Variants in WDR72 observed in about 807,000 individuals in gnomAD.
The protein encoded by WDR72 is WD repeat domain 72.
Under a neutral mutation model 124.2 loss-of-function variants are expected in WDR72, and 120 were observed. The observed-to-expected ratio is 0.97, with a 90% CI of 0.83 to 1.12. The LOEUF is 1.12. Ranked by LOEUF, WDR72 falls within the 50% of genes most tolerant of loss-of-function variation. WDR72 has a pLI of 0.00. For synonymous variants in WDR72, 452 were observed against 441.7 expected (o/e 1.02, Z -0.29); for missense variants, 1,387 against 1,278.8 (o/e 1.08, Z -1.29).
intron 3 of WDR72, among the ~76,000 whole-genome samples, chr15:53,717,838 C>G (rs1482224761): frequency 6.6e-6 from 1 of 151,978 alleles, no homozygotes; most frequent in Non-Finnish European, 1.5e-5. Context: ...TTATATCCAG[C>G]CTCATTCCAA....
At chr15:53,705,265 T>G in intron 10 of WDR72, 32 bp from the exon 11 acceptor site, 1 of 1,607,274 alleles carries the variant, frequency 6.2e-7, no homozygotes, top group Non-Finnish European at 8.5e-7. Flanking sequence ...AAAGAAAATT[T>G]GGTTTATCAG....
chr15:53,712,605 CA>C (rs58068565), intron 7 of WDR72, among the ~76,000 whole-genome samples, 166 bp downstream of exon 7: 52 of 146,060 alleles, frequency 3.6e-4, no homozygotes, highest in African/African-American at 1.1e-3. Context: ...ACCCCACCGC[CA>C]AAAAAAAAAA....
At chr15:53,734,850 A>G (rs560231728) in intron 1 of WDR72, among the ~76,000 whole-genome samples, 7 of 151,538 alleles carry the variant, frequency 4.6e-5, no homozygotes, top group Non-Finnish European at 1.0e-4. Flanking sequence ...TCCGGAATGA[A>G]TTTCTTCACA....
intron 18 of WDR72, 32 bp from the exon 19 acceptor site, chr15:53,523,354 C>T (rs757613313): frequency 8.2e-7 from 1 of 1,216,920 alleles, no homozygotes; most frequent in East Asian, 2.4e-5. Context: ...GAGAGAGAGA[C>T]AGAAGAGAGA....
At chr15:53,594,915 A>G (rs1284679523) in intron 18 of WDR72, among the ~76,000 whole-genome samples, 1 of 152,062 alleles carries the variant, frequency 6.6e-6, no homozygotes, top group Non-Finnish European at 1.5e-5. Flanking sequence ...ATTTCTCAAA[A>G]AGAAAAAGAC....
chr15:53,593,261 A>C (rs996501062), intron 18 of WDR72, among the ~76,000 whole-genome samples: 1 of 152,096 alleles, frequency 6.6e-6, no homozygotes, highest in African/African-American at 2.4e-5. Context: ...TCACTTAGCA[A>C]ATTATTTGAT....
rs987114935 is a variant in WDR72 at position 53,722,856 on chromosome 15, G to C, written c.206C>G (p.Ala69Gly). The C allele has an allele frequency of 6.2e-7, 1 of 1,612,724 alleles. No homozygotes were observed. Among genetic ancestry groups the C allele is most frequent in the Non-Finnish European group, 8.5e-7 (1 of 1,180,004 alleles). The change falls in exon 3 of 20, where the codon GCA becomes GGA. Residue 69 changes from alanine (A) to glycine (G), a missense_variant. Ala to Gly is a moderately conservative substitution (Grantham distance 60). Coordinates refer to ENST00000360509, the MANE Select transcript of WDR72 (RefSeq NM_182758.4). Reference protein sequence around the residue: ...FGHSASVTCLARARDFSKQPY... With the variant: ...FGHSASVTCLGRARDFSKQPY... The stretch of plus-strand genomic sequence containing the variant: ...CTGTTTAGAGAAGTCCCTTGCTCTT[G>C]CCAAACATGTTACCGAAGCTGAATG...
intron 17 of WDR72, 135 bp downstream of exon 17, chr15:53,609,378 A>ATG (rs2013434779): frequency 1.3e-6 from 1 of 755,788 alleles, no homozygotes; most frequent in African/African-American, 1.7e-5. Context: ...GTTTTCCCTC[A>ATG]TCTCTATGTC....
chr15:53,611,279 C>T (rs1230977176), intron 16 of WDR72, among the ~76,000 whole-genome samples: 2 of 152,052 alleles, frequency 1.3e-5, no homozygotes, highest in African/African-American at 4.8e-5. Flanking sequence ...TTTCCCTACT[C>T]CTTAGCTGAA....
At chr15:53,576,503 T>G (rs2011624631) in intron 18 of WDR72, among the ~76,000 whole-genome samples, 1 of 152,176 alleles carries the variant, frequency 6.6e-6, no homozygotes, top group African/African-American at 2.4e-5. Flanking sequence ...TCCTTGTGTC[T>G]TATTCCTTTT....
chr15:53,660,217 T>A (rs960379508), intron 14 of WDR72, among the ~76,000 whole-genome samples: 5 of 139,212 alleles, frequency 3.6e-5, no homozygotes, highest in African/African-American at 1.4e-4. Context: ...AAATATTTGT[T>A]CTTTTTTTAT....
At chr15:53,620,940 A>T (rs565624697) in intron 14 of WDR72, among the ~76,000 whole-genome samples, 2 of 152,266 alleles carry the variant, frequency 1.3e-5, no homozygotes, top group South Asian at 4.1e-4. Flanking sequence ...AATGAACTCA[A>T]ACAAATTAGC....
intron 14 of WDR72, among the ~76,000 whole-genome samples, chr15:53,662,369 G>C (rs1007940817): frequency 2.6e-5 from 4 of 152,034 alleles, no homozygotes; most frequent in African/African-American, 9.7e-5. Context: ...CTTTTCCCCA[G>C]ATCTATATGC....
chr15:53,740,518 A>C (rs936403677), intron 1 of WDR72, among the ~76,000 whole-genome samples: 5 of 152,002 alleles, frequency 3.3e-5, no homozygotes, highest in Non-Finnish European at 7.4e-5. Context: ...CCGTGGTCTC[A>C]ATCTCCTGAC....
intron 1 of WDR72, among the ~76,000 whole-genome samples, chr15:53,743,137 C>G (rs2018552834): frequency 6.6e-6 from 1 of 151,496 alleles, no homozygotes; most frequent in Non-Finnish European, 1.5e-5. Context: ...TATGTATATC[C>G]TACCATTTTC....
Position 53,657,035 on chromosome 15 carries a change from C to A in WDR72, c.1962+8537G>T, listed in dbSNP as rs370602589. Among the ~76,000 whole-genome samples the A allele has an allele frequency of 3.9e-4, 59 of 151,842 alleles. 3 individuals carry two copies. In the South Asian group the frequency reaches 0.011, roughly 29 times the overall value. On this transcript the variant is annotated intron_variant, in intron 14 of 19. Transcript: ENST00000360509. The stretch of plus-strand genomic sequence containing the variant: ...ATCCCAGCACTTTGGGAGGCCAAGG[C>A]GGGCAGATCACAAGGTCAGGAGATC...
At chr15:53,588,881 C>G (rs2012354327) in intron 18 of WDR72, among the ~76,000 whole-genome samples, 1 of 151,858 alleles carries the variant, frequency 6.6e-6, no homozygotes, top group Admixed American at 6.6e-5. Context: ...CCAAGCCAGC[C>G]ATGTTGCAAA....
chr15:53,580,487 T>G (rs1468823065), intron 18 of WDR72, among the ~76,000 whole-genome samples: 1 of 151,950 alleles, frequency 6.6e-6, no homozygotes, highest in Non-Finnish European at 1.5e-5. Flanking sequence ...CTGAACTGAG[T>G]CCATGCCAGG....
intron 19 of WDR72, among the ~76,000 whole-genome samples, chr15:53,520,908 T>A (rs373980108): frequency 6.6e-6 from 1 of 152,026 alleles, no homozygotes; most frequent in Non-Finnish European, 1.5e-5. Flanking sequence ...GGAAACACAC[T>A]CTCTCATCAA....
Sources: gnomAD v4.1 joint callset for allele counts (sites outside exome capture counted in the v4.1 genomes callset) on GRCh38, gnomAD v4.1.1 for gene constraint, MANE v1.5 for transcripts, NCBI Gene and HGNC (gene_info 2026-07-23, HGNC 2026-07-21) for gene names.